Variants in HSD17B4 observed in about 807,000 individuals in gnomAD.
HSD17B4 encodes peroxisomal multifunctional enzyme type 2.
A neutral mutation model predicts 101.0 loss-of-function variants in HSD17B4; 70 were observed. The ratio of observed to expected loss-of-function variants is 0.69; its 90% confidence interval spans 0.57 to 0.85. The LOEUF (loss-of-function observed/expected upper bound fraction) is 0.85, where lower values mean the gene tolerates loss of function less well. Among genes scored for constraint, HSD17B4 ranks in the 40% least tolerant of loss-of-function variants. The probability of loss-of-function intolerance (pLI) is 0.00; values close to 1 mark genes in which losing one functional copy is unlikely to be tolerated. For missense variants in HSD17B4, 984 were observed against 892.4 expected (o/e 1.10, Z -1.31); for synonymous variants, 347 against 297.1 (o/e 1.17, Z -1.73).
rs540009922 is a variant in HSD17B4, at chr5:119,536,214, T to C, written c.1994-209T>C. The C allele has an allele frequency of 1.1e-4, 55 of 506,756 alleles. 1 individual carries two copies. The South Asian group carries it at 1.1e-3, about 10-fold the overall frequency. 31.4% of individuals were successfully genotyped at this position (506,756 alleles called of 1,614,324 possible). On this transcript the variant is annotated intron_variant, in intron 22 of 23. Coordinates refer to ENST00000510025, the MANE Select transcript of HSD17B4 (RefSeq NM_000414.4). The stretch of plus-strand genomic sequence containing the variant: ...ACTACAGAACTGGAAGTTCCACTTC[T>C]TTACCTCAAATTTCTGTATTCTTGT...
chr5:119,486,298 G>C (rs562066688), intron 8 of HSD17B4, among the ~76,000 whole-genome samples: 1 of 152,258 alleles, frequency 6.6e-6, no homozygotes, highest in South Asian at 2.1e-4. Flanking sequence ...ACTACAAAAA[G>C]GGATAAATTA....
chr5:119,541,907 AT>A lies in HSD17B4; in HGVS notation c.2126del (p.Phe709SerfsTer6). ...VLGKLDPQKA[F>X]FSGRLKARGN... ...CTTTTTCCCTCCTCTCCTTGCAGGC[AT>A]TCTTTAGTGGCAGGCTGAAGGCCAG... is the stretch of plus-strand genomic sequence containing the variant. On this transcript the variant is annotated frameshift_variant, in exon 24 of 24. Transcript: ENST00000510025. LOFTEE classifies it high-confidence loss of function. 3 of 1,605,274 alleles carry A rather than the reference AT, an allele frequency of 1.9e-6. No homozygotes were observed. The highest frequency in any genetic ancestry group is 2.6e-6 in the Non-Finnish European group (3 of 1,172,398).
At chr5:119,461,053 A>C (rs1006715611) in intron 2 of HSD17B4, among the ~76,000 whole-genome samples, 1 of 152,216 alleles carries the variant, frequency 6.6e-6, no homozygotes, top group Non-Finnish European at 1.5e-5. Flanking sequence ...CTAGAAGGCC[A>C]GATCACATAG....
intron 10 of HSD17B4, chr5:119,493,588 G>A: frequency 2.1e-6 from 1 of 476,628 alleles, no homozygotes; most frequent in Admixed American, 3.3e-5. Context: ...GTCTGGCATA[G>A]TCAGAGGAGA....
intron 23 of HSD17B4, among the ~76,000 whole-genome samples, chr5:119,540,149 A>G (rs927524594): frequency 6.6e-6 from 1 of 152,112 alleles, no homozygotes; most frequent in African/African-American, 2.4e-5. Context: ...TTCTTCCTTT[A>G]TGGCAGTTTA....
chr5:119,458,102 T>A (rs1187619718), intron 2 of HSD17B4, among the ~76,000 whole-genome samples: 1 of 152,196 alleles, frequency 6.6e-6, no homozygotes, highest in Non-Finnish European at 1.5e-5. Flanking sequence ...TGCATTATTA[T>A]AGTAGAGATG....
rs771141287 is a variant in HSD17B4 at position 119,456,367 on chromosome 5, T to G, written c.111T>G (p.Val37=). The G allele has an allele frequency of 1.3e-6, 2 of 1,596,366 alleles. No individual in the cohort carries two copies. Among genetic ancestry groups the G allele is most frequent in the South Asian group, 2.2e-5 (2 of 90,714 alleles). ...TTGCAGAAAGAGGAGCGTTAGTTGT[T>G]GGTAAGTTGGTGTGTTTTTCTTTTT... is the stretch of plus-strand genomic sequence containing the variant. ...LAFAERGALV[V]VNDLGGDFKG... Residue 37 remains valine, a splice_region_variant and synonymous_variant, in exon 2 of 24, where the codon GTT becomes GTG. Coordinates refer to ENST00000510025, the MANE Select transcript of HSD17B4 (RefSeq NM_000414.4).
rs1303804875 is a variant in HSD17B4 at position 119,542,281 on chromosome 5, G to A, written c.*287G>A. On this transcript the variant is annotated 3_prime_UTR_variant, in exon 24 of 24. Coordinates refer to ENST00000510025, the MANE Select transcript of HSD17B4 (RefSeq NM_000414.4). ...TCCTGTTTCCTTAGAATTTGTGATA[G>A]CATTGATAAGTTGAAAGGAAAATTA... is the stretch of plus-strand genomic sequence containing the variant. 1.9e-5 allele frequency: 5 copies of A among 263,372 alleles called. No individual in the cohort carries two copies. The highest frequency in any genetic ancestry group is 8.5e-5 in the East Asian group (1 of 11,752). The allele number at this position is 263,372 out of a possible 1,614,324, so 16.3% of individuals were successfully genotyped here. A position where few individuals can be genotyped will look rare whatever the true frequency, so the allele number is the denominator to read the frequency against.
chr5:119,511,365 A>G (rs61412235), intron 16 of HSD17B4, among the ~76,000 whole-genome samples: 19,805 of 152,242 alleles, frequency 0.13, 2,076 homozygotes, highest in African/African-American at 0.29. Context: ...GACATTTACT[A>G]GAAAGAACCA....
intron 22 of HSD17B4, among the ~76,000 whole-genome samples, chr5:119,532,331 C>T (rs57782164): frequency 6.6e-5 from 10 of 152,132 alleles, no homozygotes; most frequent in African/African-American, 2.4e-4. Flanking sequence ...GGGCTTAATC[C>T]TGAGAAATGG....
chr5:119,505,971 C>G (rs1751611797), intron 14 of HSD17B4, among the ~76,000 whole-genome samples: 3 of 152,040 alleles, frequency 2.0e-5, no homozygotes, highest in Admixed American at 2.0e-4. Context: ...GGTATTCTGA[C>G]TGCTTTTACT....
At position 119,492,087 on chromosome 5, in the gene HSD17B4, C is replaced by G; in HGVS notation, c.715-13C>G. ...CATTAGATGGTATAATGTTTTCCCC[C>G]TCTTTTTGGTAGGTTGGAGCAGGAT... On this transcript the variant is annotated splice_polypyrimidine_tract_variant and intron_variant, in intron 9 of 23. Coordinates refer to ENST00000510025, the MANE Select transcript of HSD17B4 (RefSeq NM_000414.4). The G allele has an allele frequency of 6.2e-7, 1 of 1,605,434 alleles. No individual in the cohort carries two copies. Among genetic ancestry groups the G allele is most frequent in the Non-Finnish European group, 8.5e-7 (1 of 1,172,406 alleles).
chr5:119,493,984 A>T, intron 11 of HSD17B4, 38 bp downstream of exon 11: 1 of 1,609,254 alleles, frequency 6.2e-7, no homozygotes, highest in Non-Finnish European at 8.5e-7. Flanking sequence ...TGGTTGGGGA[A>T]TCAGAGGCAG....
chr5:119,469,170 T>G (rs1021535043), intron 2 of HSD17B4, among the ~76,000 whole-genome samples: 4 of 152,048 alleles, frequency 2.6e-5, no homozygotes, highest in African/African-American at 9.7e-5. Context: ...TTCTTGTATC[T>G]CACTGGATTT....
chr5:119,526,155 C>T, intron 19 of HSD17B4, 132 bp downstream of exon 19: 1 of 673,008 alleles, frequency 1.5e-6, no homozygotes, highest in South Asian at 1.6e-5. Flanking sequence ...ATTTCATTGA[C>T]CTGGCAATCA....
chr5:119,456,371 A>C lies in HSD17B4; in HGVS notation c.112+3A>C. The C allele has an allele frequency of 1.3e-6, 2 of 1,592,244 alleles. No homozygotes were observed. Among genetic ancestry groups the C allele is most frequent in the Non-Finnish European group, 1.7e-6 (2 of 1,160,034 alleles). On this transcript the variant is annotated splice_donor_region_variant and intron_variant, in intron 2 of 23. Transcript: ENST00000510025. ...AGAAAGAGGAGCGTTAGTTGTTGGT[A>C]AGTTGGTGTGTTTTTCTTTTTAATC... is the stretch of plus-strand genomic sequence containing the variant.
intron 2 of HSD17B4, among the ~76,000 whole-genome samples, chr5:119,473,042 T>A (rs1183502166): frequency 6.6e-6 from 1 of 152,118 alleles, no homozygotes; most frequent in Non-Finnish European, 1.5e-5. Flanking sequence ...GACATTTAGG[T>A]TGTTTCCACA....
chr5:119,477,182 G>A (rs769538854), intron 6 of HSD17B4, among the ~76,000 whole-genome samples: 5 of 152,072 alleles, frequency 3.3e-5, no homozygotes, highest in Non-Finnish European at 7.4e-5. Flanking sequence ...ATGTGTATAG[G>A]CATTACATTA....
At chr5:119,503,166 A>G (rs1468330121) in intron 14 of HSD17B4, among the ~76,000 whole-genome samples, 2 of 150,572 alleles carry the variant, frequency 1.3e-5, no homozygotes, top group Non-Finnish European at 3.0e-5. Context: ...GACAGTGGCT[A>G]GGAAGCTCCT....
Sources: gnomAD v4.1 joint callset for allele counts (sites outside exome capture counted in the v4.1 genomes callset) on GRCh38, gnomAD v4.1.1 for gene constraint, MANE v1.5 for transcripts, NCBI Gene and HGNC (gene_info 2026-07-23, HGNC 2026-07-21) for gene names.